The following PTGFRN variants were observed in gnomAD, a reference collection of about 807,000 sequenced individuals.
PTGFRN encodes prostaglandin F2 receptor inhibitor.
A neutral mutation model predicts 83.2 loss-of-function variants in PTGFRN; 35 were observed. The observed-to-expected ratio is 0.42, with a 90% CI of 0.32 to 0.56. The LOEUF (loss-of-function observed/expected upper bound fraction) is 0.56, where lower values mean the gene tolerates loss of function less well. Ranked by LOEUF, PTGFRN falls within the 20% of genes least tolerant of loss-of-function variation. PTGFRN has a pLI of 0.11. For synonymous variants in PTGFRN, 519 were observed against 498.6 expected, an observed-to-expected ratio of 1.04 and a Z score of -0.55; for missense variants, 1,051 against 1,179.5, an observed-to-expected ratio of 0.89 and a Z score of 1.60.
At position 116,989,106 on chromosome 1, in the gene PTGFRN, A is replaced by G. The variant is rs1245216044; in HGVS notation, c.*2139A>G. 6.6e-6 allele frequency: 1 copy of G among 152,244 alleles called. No individual in the cohort carries two copies. Among genetic ancestry groups the G allele is most frequent in the Admixed American group, 6.5e-5 (1 of 15,284 alleles). The allele number at this position is 152,244 out of a possible 1,614,324, so 9.4% of individuals were successfully genotyped here. On this transcript the variant is annotated 3_prime_UTR_variant, in exon 9 of 9. Coordinates refer to ENST00000393203, the MANE Select transcript of PTGFRN (RefSeq NM_020440.4). ...GGCACAGGCCCTTCTTAGTAGGAAG[A>G]AAGGGTGCTTAGCTTTGGACCTGAC... is the stretch of plus-strand genomic sequence containing the variant.
At chr1:116,947,867 G>A (rs1316339213) in intron 3 of PTGFRN, among the ~76,000 whole-genome samples, 1 of 152,160 alleles carries the variant, frequency 6.6e-6, no homozygotes, top group African/African-American at 2.4e-5. Context: ...AAAGAATTAG[G>A]AGACTAGGTG....
chr1:116,957,232 C>T (rs755816818), intron 4 of PTGFRN, among the ~76,000 whole-genome samples: 1 of 151,462 alleles, frequency 6.6e-6, no homozygotes, highest in East Asian at 1.9e-4. Flanking sequence ...CGGTTGTGAG[C>T]GTGCTGTAGT....
chr1:116,960,928 A>T (rs1309204316), intron 4 of PTGFRN, among the ~76,000 whole-genome samples: 1 of 152,040 alleles, frequency 6.6e-6, no homozygotes, highest in African/African-American at 2.4e-5. Context: ...TTCTCAGAAG[A>T]CCTTAACCTC....
At chr1:116,915,143 G>A (rs1649368888) in intron 1 of PTGFRN, among the ~76,000 whole-genome samples, 1 of 152,188 alleles carries the variant, frequency 6.6e-6, no homozygotes, top group Non-Finnish European at 1.5e-5. Flanking sequence ...ACTAATGTTC[G>A]CTAAACCTTA....
chr1:116,920,265 G>A (rs905041834), intron 1 of PTGFRN, among the ~76,000 whole-genome samples: 5 of 152,222 alleles, frequency 3.3e-5, no homozygotes, highest in Non-Finnish European at 7.3e-5. Flanking sequence ...CCCACCACCA[G>A]GCTAACTGGG....
intron 4 of PTGFRN, among the ~76,000 whole-genome samples, chr1:116,957,086 G>T (rs1650519413): frequency 6.6e-6 from 1 of 151,502 alleles, no homozygotes; most frequent in Non-Finnish European, 1.5e-5. Flanking sequence ...GGCTGGCTGT[G>T]TTTGGAACAA....
rs1372276618 is a variant in PTGFRN at position 116,984,946 on chromosome 1, A to T, written c.2434A>T (p.Ile812Phe). Residue 812 changes from isoleucine to phenylalanine, a missense_variant, in exon 8 of 9, where the codon ATC becomes TTC. Physicochemically the swap from Ile to Phe is conservative, Grantham distance 21. Transcript: ENST00000393203. ...PTGSWQKEAEIHSKPVFITVK... is the reference protein window; with the variant it reads ...PTGSWQKEAEFHSKPVFITVK... ...AGGTTCCTGGCAGAAGGAGGCAGAG[A>T]TCCACTCCAAGCCCGTTTTTATAAC... is the stretch of plus-strand genomic sequence containing the variant. 3 of 1,614,178 alleles carry T rather than the reference A, an allele frequency of 1.9e-6. No homozygotes were observed. The Admixed American group carries it at 5.0e-5, about 27-fold the overall frequency.
At chr1:116,921,797 G>A (rs17036525) in intron 1 of PTGFRN, among the ~76,000 whole-genome samples, 1,790 of 152,240 alleles carry the variant, frequency 0.012, 40 homozygotes, top group African/African-American at 0.041. Flanking sequence ...TTAGATCACT[G>A]TACATATGGG....
In PTGFRN at chr1:116,941,068, C is replaced by G. The variant is rs958019096; in HGVS notation, c.50-647C>G. ...CACCCAGCAACCAACCTGCCTCTCTCCCTTTGTGCTTCCACATCCTCATTC... is the reference window on the plus strand; with the variant it reads ...CACCCAGCAACCAACCTGCCTCTCTGCCTTTGTGCTTCCACATCCTCATTC... On this transcript the variant is annotated intron_variant, in intron 1 of 8. Transcript: ENST00000393203. This position sits in a 1 kb window ranked among gnomAD's most constrained non-coding sequence, Gnocchi z 5.0. 2.0e-5 allele frequency among the ~76,000 whole-genome samples: 3 copies of G among 152,214 alleles called. No individual in the cohort carries two copies. The highest frequency in any genetic ancestry group is 7.2e-5 in the African/African-American group (3 of 41,446).
Position 116,961,746 on chromosome 1 carries a change from C to T in PTGFRN, c.1639+78C>T, listed in dbSNP as rs1040411928. On this transcript the variant is annotated intron_variant, in intron 5 of 8. Transcript: ENST00000393203. The surrounding 1 kb of genome is among the most constrained non-coding windows in gnomAD (Gnocchi z 5.4). ...GCCGCTGTGTGTTGATGCACAGTCA[C>T]CCTCTGCAGGTTATCACTTACACTA... 48 of 1,343,846 alleles carry T rather than the reference C, an allele frequency of 3.6e-5. No homozygotes were observed. Among genetic ancestry groups the T allele is most frequent in the Non-Finnish European group, 4.5e-5 (44 of 983,468 alleles). The allele number at this position is 1,343,846 out of a possible 1,614,324, so 83.2% of individuals were successfully genotyped here.
intron 1 of PTGFRN, among the ~76,000 whole-genome samples, chr1:116,915,740 G>A (rs1018308782): frequency 6.6e-6 from 1 of 152,170 alleles, no homozygotes; most frequent in Non-Finnish European, 1.5e-5. Flanking sequence ...CTTGTCTGTC[G>A]ATGTGTGTCT....
intron 7 of PTGFRN, among the ~76,000 whole-genome samples, chr1:116,981,036 A>G (rs1570680826): frequency 6.6e-6 from 1 of 152,182 alleles, no homozygotes; most frequent in Admixed American, 6.5e-5. Flanking sequence ...AAATCATTAT[A>G]AATTTTTTCT....
At chr1:116,948,517 T>C (rs1292377240) in intron 3 of PTGFRN, among the ~76,000 whole-genome samples, 1 of 152,230 alleles carries the variant, frequency 6.6e-6, no homozygotes, top group African/African-American at 2.4e-5. Context: ...TTTTGAAGAC[T>C]TGACTCAAGG....
At chr1:116,937,861 A>G (rs1010333356) in intron 1 of PTGFRN, among the ~76,000 whole-genome samples, 2 of 152,204 alleles carry the variant, frequency 1.3e-5, no homozygotes, top group African/African-American at 4.8e-5. Context: ...GCCATAGGCC[A>G]GGGATCATGA....
chr1:116,912,742 T>C (rs1227979139), intron 1 of PTGFRN, among the ~76,000 whole-genome samples: 2 of 152,214 alleles, frequency 1.3e-5, no homozygotes, highest in Admixed American at 6.5e-5. Context: ...ATGTTGCCCC[T>C]TGTGTGTCCC....
chr1:116,958,113 A>G lies in PTGFRN; in HGVS notation c.1214-3130A>G, dbSNP rs1039840035. ...CATCATAATTTTGACAGCCTTTGAA[A>G]AGGTGCCACTCTGAAAGAATCTGCA... On this transcript the variant is annotated intron_variant, in intron 4 of 8. Transcript: ENST00000393203. The surrounding 1 kb of genome is among the most constrained non-coding windows in gnomAD (Gnocchi z 4.9). Among the ~76,000 whole-genome samples the G allele has an allele frequency of 6.6e-6, 1 of 152,288 alleles. No individual in the cohort carries two copies. The highest frequency in any genetic ancestry group is 2.4e-5 in the African/African-American group (1 of 41,568).
At chr1:116,964,188 C>T (rs550372089) in intron 5 of PTGFRN, among the ~76,000 whole-genome samples, 5 of 152,204 alleles carry the variant, frequency 3.3e-5, no homozygotes, top group Admixed American at 6.5e-5. Context: ...CAATATTTGA[C>T]GTATATATAC....
intron 1 of PTGFRN, among the ~76,000 whole-genome samples, chr1:116,914,567 A>G (rs527282935): frequency 6.6e-6 from 1 of 152,274 alleles, no homozygotes; most frequent in African/African-American, 2.4e-5. Context: ...CCTGTGCAAC[A>G]TAGTGAGACC....
At chr1:116,964,018 G>T (rs533277632) in intron 5 of PTGFRN, among the ~76,000 whole-genome samples, 1 of 151,940 alleles carries the variant, frequency 6.6e-6, no homozygotes, top group African/African-American at 2.4e-5. Flanking sequence ...GACCTCAAAC[G>T]ATCCTCCTGC....
Sources: allele counts gnomAD v4.1 joint callset (sites outside exome capture counted in the v4.1 genomes callset), GRCh38; gene constraint gnomAD v4.1.1; non-coding constraint Gnocchi (gnomAD v3.1); transcripts MANE v1.5; gene names NCBI Gene and HGNC (gene_info 2026-07-23, HGNC 2026-07-21).